The following MYRIP variants were observed in gnomAD, a reference collection of about 807,000 sequenced individuals.
MYRIP encodes the protein myosin VIIA and Rab interacting protein.
Under a neutral mutation model 98.0 loss-of-function variants are expected in MYRIP, and 49 were observed. The ratio of observed to expected loss-of-function variants is 0.50; its 90% confidence interval spans 0.40 to 0.63. The LOEUF (loss-of-function observed/expected upper bound fraction) is 0.63. Ranked by LOEUF, MYRIP falls within the 30% of genes least tolerant of loss-of-function variation. MYRIP has a pLI of 0.00. For missense variants in MYRIP, 1,004 were observed against 1,058.2 expected (o/e 0.95, Z 0.71); for synonymous variants, 404 against 409.5 (o/e 0.99, Z 0.16).
At chr3:40,130,758 A>G (rs1238994699) in intron 3 of MYRIP, among the ~76,000 whole-genome samples, 2 of 152,060 alleles carry the variant, frequency 1.3e-5, no homozygotes, top group African/African-American at 2.4e-5. Context: ...GTATATCCAA[A>G]TGCCCACCAG....
chr3:39,824,531 TC>T (rs1299021818), intron 1 of MYRIP, among the ~76,000 whole-genome samples: 1 of 152,150 alleles, frequency 6.6e-6, no homozygotes, highest in Non-Finnish European at 1.5e-5. Context: ...TTTCTTTTTA[TC>T]AGTGTTTTAT....
chr3:40,192,452 C>G (rs563469492), intron 10 of MYRIP, among the ~76,000 whole-genome samples: 2 of 150,136 alleles, frequency 1.3e-5, no homozygotes, highest in South Asian at 4.2e-4. Flanking sequence ...TTCCCCTTGA[C>G]CACAACCCTA....
chr3:40,007,587 A>G (rs183768874), intron 2 of MYRIP, among the ~76,000 whole-genome samples: 406 of 152,284 alleles, frequency 2.7e-3, no homozygotes, highest in Middle Eastern at 6.8e-3. Flanking sequence ...ATATGCTGGC[A>G]TTGTGTGCCG....
intron 11 of MYRIP, among the ~76,000 whole-genome samples, chr3:40,220,411 A>C (rs184374344): frequency 6.6e-6 from 1 of 152,298 alleles, no homozygotes; most frequent in African/African-American, 2.4e-5. Context: ...GTCCTTGCTC[A>C]TGCGTATGTC....
chr3:40,107,508 C>G (rs1451966302), intron 3 of MYRIP, among the ~76,000 whole-genome samples: 1 of 152,204 alleles, frequency 6.6e-6, no homozygotes, highest in East Asian at 1.9e-4. Flanking sequence ...GGGGGCTGAT[C>G]TTGGAGGTCT....
At chr3:40,077,179 G>T (rs1046545610) in intron 3 of MYRIP, among the ~76,000 whole-genome samples, 1 of 152,280 alleles carries the variant, frequency 6.6e-6, no homozygotes, top group South Asian at 2.1e-4. Flanking sequence ...CGCGGTGAGT[G>T]TTACAGCTCA....
chr3:39,975,138 T>C (rs936545120), intron 2 of MYRIP, among the ~76,000 whole-genome samples: 2 of 152,208 alleles, frequency 1.3e-5, no homozygotes, highest in Admixed American at 1.3e-4. Context: ...ATTGTATGTC[T>C]AGAAAACCCC....
chr3:40,190,030 G>T lies in MYRIP; in HGVS notation c.1232G>T (p.Cys411Phe). 6.2e-7 allele frequency: 1 copy of T among 1,614,094 alleles called. No individual in the cohort carries two copies. Among genetic ancestry groups the T allele is most frequent in the Non-Finnish European group, 8.5e-7 (1 of 1,180,006 alleles). Residue 411 changes from cysteine (C) to phenylalanine (F), a missense_variant, in exon 10 of 17, where the codon TGT (cysteine) becomes TTT (phenylalanine). Around this residue, in one of 3 missense-constraint regions of MYRIP, gnomAD observed 880 missense variants for 907.7 expected, o/e 0.97. Transcript: ENST00000302541. ...FDWSEALSKLCPRSRALPRNP... is the reference protein window; with the variant it reads ...FDWSEALSKLFPRSRALPRNP... ...TGGAGTGAGGCCTTGAGCAAGCTGTGTCCCAGGTCCCGGGCCCTGCCCAGG... is the reference window on the plus strand; with the variant it reads ...TGGAGTGAGGCCTTGAGCAAGCTGTTTCCCAGGTCCCGGGCCCTGCCCAGG...
intron 1 of MYRIP, among the ~76,000 whole-genome samples, chr3:39,851,231 T>A (rs1251785132): frequency 6.9e-6 from 1 of 145,828 alleles, no homozygotes; most frequent in African/African-American, 2.5e-5. Flanking sequence ...TGTGTGTGAT[T>A]TCAGAGCCCA....
At chr3:39,839,597 G>A (rs1941733369) in intron 1 of MYRIP, among the ~76,000 whole-genome samples, 2 of 152,094 alleles carry the variant, frequency 1.3e-5, no homozygotes, top group Admixed American at 6.5e-5. Flanking sequence ...GTCAATTTTA[G>A]CTCTTTCCTG....
At chr3:40,056,462 C>T (rs1947886986) in intron 3 of MYRIP, among the ~76,000 whole-genome samples, 1 of 152,138 alleles carries the variant, frequency 6.6e-6, no homozygotes, top group Non-Finnish European at 1.5e-5. Context: ...AGAGTCTTTC[C>T]CATACCACAG....
chr3:40,249,757 A>G (rs976381942), intron 13 of MYRIP, among the ~76,000 whole-genome samples: 1 of 152,174 alleles, frequency 6.6e-6, no homozygotes, highest in African/African-American at 2.4e-5. Context: ...GAGGAGATGG[A>G]CTTGAACCAG....
intron 7 of MYRIP, among the ~76,000 whole-genome samples, chr3:40,168,419 A>C (rs1446118027): frequency 6.6e-6 from 1 of 152,224 alleles, no homozygotes; most frequent in African/African-American, 2.4e-5. Flanking sequence ...ACTGGGCAGA[A>C]TCATCGAACT....
intron 2 of MYRIP, among the ~76,000 whole-genome samples, chr3:39,994,258 G>T (rs1193863661): frequency 1.3e-5 from 2 of 152,280 alleles, no homozygotes; most frequent in Non-Finnish European, 2.9e-5. Flanking sequence ...CATCCGGGAA[G>T]TGCAAGGGGT....
chr3:40,049,180 A>G (rs1447638393), intron 3 of MYRIP, among the ~76,000 whole-genome samples: 11 of 152,160 alleles, frequency 7.2e-5, no homozygotes, highest in Admixed American at 5.9e-4. Flanking sequence ...TTTGTACGTC[A>G]TAGGCATATC....
At chr3:40,070,279 G>C (rs1168944053) in intron 3 of MYRIP, among the ~76,000 whole-genome samples, 1 of 152,178 alleles carries the variant, frequency 6.6e-6, no homozygotes, top group East Asian at 1.9e-4. Flanking sequence ...GTGGGGGACT[G>C]TATCCTTGAT....
chr3:40,220,279 G>T (rs926369565), intron 11 of MYRIP, among the ~76,000 whole-genome samples: 1 of 150,810 alleles, frequency 6.6e-6, no homozygotes, highest in Non-Finnish European at 1.5e-5. Flanking sequence ...CTCCCATTTT[G>T]TAGGTTGCCT....
intron 7 of MYRIP, 121 bp downstream of exon 7, chr3:40,167,360 C>A: frequency 1.1e-6 from 1 of 914,988 alleles, no homozygotes; most frequent in South Asian, 1.6e-5. Context: ...TGTGCCTTCT[C>A]ACTTTAGACT....
At chr3:40,256,762 G>C (rs1017364750) in intron 16 of MYRIP, among the ~76,000 whole-genome samples, 1 of 151,498 alleles carries the variant, frequency 6.6e-6, no homozygotes, top group Non-Finnish European at 1.5e-5. Context: ...AAATGATTTT[G>C]CTGATTTTTT....
Sources: allele counts gnomAD v4.1 joint callset (sites outside exome capture counted in the v4.1 genomes callset), GRCh38; gene constraint gnomAD v4.1.1; regional missense constraint gnomAD v4.1.1; transcripts MANE v1.5; gene names NCBI Gene and HGNC (gene_info 2026-07-23, HGNC 2026-07-21).